ABR: variants seen among roughly 807,000 people sequenced by gnomAD.
ABR encodes the protein ABR activator of RhoGEF and GTPase, also known as active breakpoint cluster region-related protein.
In ABR, 35 loss-of-function variants were observed where a neutral mutation model predicts 107.2. The ratio of observed to expected loss-of-function variants is 0.33; its 90% CI spans 0.25 to 0.43. The LOEUF (loss-of-function observed/expected upper bound fraction) is 0.43, where lower values mean the gene tolerates loss of function less well. ABR is among the 20% of genes least tolerant of loss of function. ABR has a pLI of 1.00. For missense variants in ABR, 815 were observed against 1,115.2 expected, an observed-to-expected ratio of 0.73 and a Z score of 3.83; for synonymous variants, 498 against 462.0, an observed-to-expected ratio of 1.08 and a Z score of -1.00.
intron 1 of ABR, among the ~76,000 whole-genome samples, chr17:1,165,992 G>A (rs1267985995): frequency 3.1e-5 from 3 of 96,180 alleles, no homozygotes; most frequent in Non-Finnish European, 6.4e-5. Flanking sequence ...CGGAGTGTCC[G>A]CACCCACCCT....
chr17:1,101,936 T>C (rs112204791), intron 2 of ABR, among the ~76,000 whole-genome samples: 148 of 152,146 alleles, frequency 9.7e-4, no homozygotes, highest in African/African-American at 3.4e-3. Flanking sequence ...GATTTCACCG[T>C]GTTAGCCAGG....
chr17:1,170,319 A>T (rs575996833), intron 1 of ABR, among the ~76,000 whole-genome samples: 10 of 152,290 alleles, frequency 6.6e-5, no homozygotes, highest in Admixed American at 2.0e-4. Flanking sequence ...CCCCACCAGC[A>T]CCGCTGTGAA....
intron 1 of ABR, among the ~76,000 whole-genome samples, chr17:1,195,477 G>A (rs1319553524): frequency 6.6e-6 from 1 of 151,804 alleles, no homozygotes; most frequent in Non-Finnish European, 1.5e-5. Context: ...AGCCCTGCCT[G>A]ACCCAGGCTC....
At chr17:1,056,483 C>CCTTCA (rs1415846874) in intron 13 of ABR, among the ~76,000 whole-genome samples, 1 of 152,082 alleles carries the variant, frequency 6.6e-6, no homozygotes, top group African/African-American at 2.4e-5. Context: ...GGAAAGCTTG[C>CCTTCA]CTTCAGGACC....
chr17:1,161,630 T>C (rs769748820), intron 1 of ABR, among the ~76,000 whole-genome samples: 1 of 151,424 alleles, frequency 6.6e-6, no homozygotes, highest in African/African-American at 2.4e-5. Flanking sequence ...TCTTGGCTCA[T>C]TGCAATCTCC....
chr17:1,054,862 G>A (rs2033081704), intron 14 of ABR, among the ~76,000 whole-genome samples: 1 of 152,160 alleles, frequency 6.6e-6, no homozygotes, highest in Non-Finnish European at 1.5e-5. Flanking sequence ...TCTGTGTGGG[G>A]CGCTGCAGGG....
rs1231010733 is a variant in ABR at position 1,179,949 on chromosome 17, C to A, written c.-222G>T. 3 of 292,122 alleles carry A rather than the reference C, an allele frequency of 1.0e-5. No individual in the cohort carries two copies. Among genetic ancestry groups the A allele is most frequent in the South Asian group, 1.5e-4 (1 of 6,716 alleles). The allele number at this position is 292,122 out of a possible 1,614,324, so 18.1% of individuals were successfully genotyped here. A position where few individuals can be genotyped will look rare whatever the true frequency, so the allele number is the denominator to read the frequency against. On this transcript the variant is annotated 5_prime_UTR_variant, in exon 1 of 23. Coordinates refer to ENST00000302538, the MANE Select transcript of ABR (RefSeq NM_021962.5). The surrounding 1 kb of genome is among the most constrained non-coding windows in gnomAD (Gnocchi z 4.9). ...ACCCTCCCGGCCCCAGCGGCCGCGCCGAGCCCAGCTGCGGATCCCGGAACC... is the reference window on the plus strand; with the variant it reads ...ACCCTCCCGGCCCCAGCGGCCGCGCAGAGCCCAGCTGCGGATCCCGGAACC...
At chr17:1,025,465 G>A (rs1384810871) in intron 16 of ABR, among the ~76,000 whole-genome samples, 2 of 152,070 alleles carry the variant, frequency 1.3e-5, no homozygotes, top group African/African-American at 2.4e-5. Flanking sequence ...TGAACACCCC[G>A]CGGCTTCCCA....
At chr17:1,194,489 G>T (rs966663672) in intron 1 of ABR, among the ~76,000 whole-genome samples, 4 of 131,446 alleles carry the variant, frequency 3.0e-5, no homozygotes, top group Admixed American at 9.0e-5. Flanking sequence ...GAGACACTTC[G>T]CCCAGCCTTC....
chr17:1,147,764 C>CCA (rs2040613718), intron 1 of ABR, among the ~76,000 whole-genome samples: 1 of 152,154 alleles, frequency 6.6e-6, no homozygotes. Flanking sequence ...CACGGAAGCT[C>CCA]CACACACACT....
intron 17 of ABR, 129 bp downstream of exon 17, chr17:1,012,976 G>T: frequency 8.3e-7 from 1 of 1,207,884 alleles, no homozygotes; most frequent in South Asian, 1.2e-5. Context: ...GGGGAGAGGG[G>T]GCTGGGCTGC....
chr17:1,028,763 G>A (rs1456847683), intron 16 of ABR, among the ~76,000 whole-genome samples: 1 of 152,192 alleles, frequency 6.6e-6, no homozygotes, highest in Non-Finnish European at 1.5e-5. Flanking sequence ...CACCCTGCCG[G>A]CTCAGCCTGA....
At chr17:1,227,631 C>A (rs1598159998) in intron 1 of ABR, among the ~76,000 whole-genome samples, 1 of 144,780 alleles carries the variant, frequency 6.9e-6, no homozygotes, top group East Asian at 1.9e-4. Context: ...GGAACAATCC[C>A]AGCATCAATG....
At chr17:1,164,970 T>C (rs765686706) in intron 1 of ABR, among the ~76,000 whole-genome samples, 1 of 152,220 alleles carries the variant, frequency 6.6e-6, no homozygotes, top group Non-Finnish European at 1.5e-5. Context: ...AATTATTCAT[T>C]GTTCATCTAA....
intron 6 of ABR, among the ~76,000 whole-genome samples, chr17:1,074,021 A>T (rs2035484404): frequency 7.0e-6 from 1 of 143,826 alleles, no homozygotes; most frequent in African/African-American, 2.6e-5. Flanking sequence ...CCAGCCCTGA[A>T]TCACACAGCT....
At chr17:1,021,385 T>C (rs1266251258) in intron 16 of ABR, among the ~76,000 whole-genome samples, 1 of 152,214 alleles carries the variant, frequency 6.6e-6, no homozygotes, top group Non-Finnish European at 1.5e-5. Flanking sequence ...GGCACAGCCC[T>C]GCCCTCGGGG....
At chr17:1,015,835 A>T (rs916653325) in intron 16 of ABR, among the ~76,000 whole-genome samples, 1 of 152,082 alleles carries the variant, frequency 6.6e-6, no homozygotes, top group Non-Finnish European at 1.5e-5. Flanking sequence ...TGGGCGGAAC[A>T]TTTTTTGCTT....
At chr17:1,181,108 G>A (rs1304409072), upstream of ABR, among the ~76,000 whole-genome samples, 1 of 151,826 alleles carries the variant, frequency 6.6e-6, no homozygotes, top group Non-Finnish European at 1.5e-5. Context: ...AGGCCTACCA[G>A]GAAGGTTAAG....
intron 1 of ABR, among the ~76,000 whole-genome samples, chr17:1,194,188 T>C (rs1013221615): frequency 2.8e-4 from 42 of 151,902 alleles, no homozygotes; most frequent in Admixed American, 2.5e-3. Context: ...TATTTATTTA[T>C]ATTTTGATTG....
Sources: allele counts gnomAD v4.1 joint callset (sites outside exome capture counted in the v4.1 genomes callset), GRCh38; gene constraint gnomAD v4.1.1; non-coding constraint Gnocchi (gnomAD v3.1); transcripts MANE v1.5; gene names NCBI Gene and HGNC (gene_info 2026-07-23, HGNC 2026-07-21).